Variants in PRIMA1 observed in about 807,000 individuals in gnomAD.
PRIMA1 encodes proline rich membrane anchor 1.
A neutral mutation model predicts 17.5 loss-of-function variants in PRIMA1; 7 were observed. The observed-to-expected ratio is 0.40, with a 90% confidence interval of 0.23 to 0.75. The LOEUF is 0.75. PRIMA1 is among the 30% of genes least tolerant of loss of function. The probability of loss-of-function intolerance (pLI) is 0.37; values close to 1 mark genes in which losing one functional copy is unlikely to be tolerated. For synonymous variants in PRIMA1, 97 were observed against 77.9 expected (o/e 1.25, Z -1.29); for missense variants, 200 against 201.8 (o/e 0.99, Z 0.05).
chr14:93,732,966 C>T (rs1012433067), intron 4 of PRIMA1, among the ~76,000 whole-genome samples: 1 of 152,060 alleles, frequency 6.6e-6, no homozygotes, highest in Admixed American at 6.5e-5. Flanking sequence ...GTGCCAGGCA[C>T]GGGGGTACCC....
chr14:93,775,884 C>T (rs1885203420), intron 3 of PRIMA1, among the ~76,000 whole-genome samples: 1 of 152,244 alleles, frequency 6.6e-6, no homozygotes, highest in Non-Finnish European at 1.5e-5. Context: ...CACATCCCAA[C>T]TCCAGGGGTG....
intron 3 of PRIMA1, among the ~76,000 whole-genome samples, chr14:93,772,243 T>C (rs1290480061): frequency 1.3e-5 from 2 of 152,240 alleles, no homozygotes; most frequent in Non-Finnish European, 2.9e-5. Flanking sequence ...TATTCCTGGC[T>C]CCACCACTGT....
chr14:93,783,702 C>T (rs1317638870), intron 2 of PRIMA1, among the ~76,000 whole-genome samples: 1 of 152,234 alleles, frequency 6.6e-6, no homozygotes, highest in South Asian at 2.1e-4. Context: ...TCACAATCGT[C>T]TGCCTTCCAG....
At chr14:93,754,155 C>T (rs1263836744) in intron 3 of PRIMA1, among the ~76,000 whole-genome samples, 4 of 152,168 alleles carry the variant, frequency 2.6e-5, no homozygotes, top group Non-Finnish European at 5.9e-5. Context: ...TTGTCATGCA[C>T]CTTGCCCAGG....
At chr14:93,737,570 AC>A (rs1235225211) in intron 3 of PRIMA1, among the ~76,000 whole-genome samples, 200 bp from the exon 4 acceptor site, 1 of 151,292 alleles carries the variant, frequency 6.6e-6, no homozygotes, top group East Asian at 1.9e-4. Flanking sequence ...TGGGGAGGTC[AC>A]TGGTGGGACC....
chr14:93,759,839 C>T (rs746101628), intron 3 of PRIMA1, among the ~76,000 whole-genome samples: 4 of 152,180 alleles, frequency 2.6e-5, no homozygotes, highest in Non-Finnish European at 5.9e-5. Context: ...CTAGGAAGGA[C>T]GTGGTGTTCA....
chr14:93,728,332 G>T (rs1305284678), intron 4 of PRIMA1, among the ~76,000 whole-genome samples: 2 of 152,238 alleles, frequency 1.3e-5, no homozygotes, highest in African/African-American at 4.8e-5. Context: ...AGGCGTCGAG[G>T]GAGAGAATAG....
chr14:93,727,923 C>A (rs1403346990), intron 4 of PRIMA1, among the ~76,000 whole-genome samples: 3 of 152,260 alleles, frequency 2.0e-5, no homozygotes, highest in African/African-American at 4.8e-5. Flanking sequence ...TCACGCCCCA[C>A]CAGGGCTCCC....
chr14:93,730,124 C>T (rs1304791507), intron 4 of PRIMA1, among the ~76,000 whole-genome samples: 5 of 152,192 alleles, frequency 3.3e-5, no homozygotes, highest in African/African-American at 4.8e-5. Context: ...TCCATTCACA[C>T]CACAGAAACC....
chr14:93,779,891 C>T (rs1044236313), intron 2 of PRIMA1, among the ~76,000 whole-genome samples: 1 of 152,228 alleles, frequency 6.6e-6, no homozygotes, highest in African/African-American at 2.4e-5. Context: ...AGCAGAGCAA[C>T]CTGCTTGATG....
chr14:93,753,997 A>G (rs897945022), intron 3 of PRIMA1, among the ~76,000 whole-genome samples: 1 of 152,198 alleles, frequency 6.6e-6, no homozygotes, highest in Admixed American at 6.5e-5. Flanking sequence ...GCTGTCTCTG[A>G]GCCTTCGCTA....
chr14:93,775,044 G>C (rs929264026), intron 3 of PRIMA1, among the ~76,000 whole-genome samples: 2 of 152,228 alleles, frequency 1.3e-5, no homozygotes, highest in Admixed American at 6.5e-5. Context: ...GGGCCCTGCT[G>C]ATGTGGATAA....
At chr14:93,747,939 G>C (rs1432599661) in intron 3 of PRIMA1, among the ~76,000 whole-genome samples, 1 of 20,530 alleles carries the variant, frequency 4.9e-5, no homozygotes, top group Non-Finnish European at 4.6e-4. Flanking sequence ...GATTATGTGA[G>C]TGTGTGTGTA....
intron 4 of PRIMA1, among the ~76,000 whole-genome samples, chr14:93,732,888 T>C (rs927476970): frequency 6.6e-6 from 1 of 152,190 alleles, no homozygotes; most frequent in African/African-American, 2.4e-5. Flanking sequence ...TGGGCTCTTT[T>C]AACAAATCAG....
At chr14:93,773,508 G>C (rs926034095) in intron 3 of PRIMA1, among the ~76,000 whole-genome samples, 1 of 152,224 alleles carries the variant, frequency 6.6e-6, no homozygotes, top group Admixed American at 6.5e-5. Context: ...GACTAAACAA[G>C]CTCTCCAGGC....
intron 3 of PRIMA1, among the ~76,000 whole-genome samples, chr14:93,764,533 C>T (rs953587759): frequency 2.0e-5 from 3 of 152,182 alleles, no homozygotes; most frequent in African/African-American, 4.8e-5. Flanking sequence ...ACCATGTCTT[C>T]TCCACTGCGT....
intron 4 of PRIMA1, among the ~76,000 whole-genome samples, chr14:93,721,852 C>A (rs2076040858): frequency 6.6e-6 from 1 of 152,190 alleles, no homozygotes; most frequent in African/African-American, 2.4e-5. Context: ...TTTGGACAAA[C>A]AAGAAAGTAT....
At position 93,758,834 on chromosome 14, in the gene PRIMA1, G is replaced by A. The variant is rs564506096; in HGVS notation, c.229+20342C>T. Among the ~76,000 whole-genome samples the A allele has an allele frequency of 2.0e-5, 3 of 152,138 alleles. No individual in the cohort carries two copies. The East Asian group carries it at 5.8e-4, about 29-fold the overall frequency. ...GTGGGGTGGGTTCAGGGATGATGAG[G>A]GCCCACTGTCTACCCTCCAGAGGCC... On this transcript the variant is annotated intron_variant, in intron 3 of 4. Transcript: ENST00000393140.
At position 93,721,412 on chromosome 14, in the gene PRIMA1, C is replaced by T; in HGVS notation, c.*32G>A. On this transcript the variant is annotated 3_prime_UTR_variant, in exon 5 of 5. Coordinates refer to ENST00000393140, the MANE Select transcript of PRIMA1 (RefSeq NM_178013.4). ...ATGTCCACCAGTGCCACCAAGGTGT[C>T]CCTCTGGCCAGCGGGTCCAGGGCCT... 7.0e-7 allele frequency: 1 copy of T among 1,434,540 alleles called. No individual in the cohort carries two copies. Among genetic ancestry groups the T allele is most frequent in the Non-Finnish European group, 9.8e-7 (1 of 1,018,452 alleles). 88.9% of individuals were successfully genotyped at this position (1,434,540 alleles called of 1,614,324 possible).
Sources: allele counts gnomAD v4.1 joint callset (sites outside exome capture counted in the v4.1 genomes callset), GRCh38; gene constraint gnomAD v4.1.1; transcripts MANE v1.5; gene names NCBI Gene and HGNC (gene_info 2026-07-23, HGNC 2026-07-21).